ZMYM2: variants seen among roughly 807,000 people sequenced by gnomAD.
The protein encoded by ZMYM2 is zinc finger MYM-type containing 2.
ZMYM2 carries 56 observed loss-of-function variants against 162.8 expected under a neutral mutation model. The observed-to-expected ratio is 0.34, with a 90% CI of 0.28 to 0.43. ZMYM2 has a LOEUF of 0.43. Among genes scored for constraint, ZMYM2 ranks in the 20% least tolerant of loss-of-function variants. The pLI is 1.00. For missense variants in ZMYM2, 1,275 were observed against 1,621.8 expected, an observed-to-expected ratio of 0.79 and a Z score of 3.67; for synonymous variants, 510 against 541.6, an observed-to-expected ratio of 0.94 and a Z score of 0.81.
chr13:20,034,437 T>A, intron 11 of ZMYM2, 33 bp downstream of exon 11: 1 of 1,433,018 alleles, frequency 7.0e-7, no homozygotes, highest in Non-Finnish European at 9.2e-7. Context: ...TTCATAACAT[T>A]TATTGATATT....
chr13:19,985,941 C>T (rs1949097200), intron 2 of ZMYM2, among the ~76,000 whole-genome samples: 1 of 152,006 alleles, frequency 6.6e-6, no homozygotes, highest in Non-Finnish European at 1.5e-5. Flanking sequence ...ATCCCAGCTA[C>T]TCAGGAGGTT....
the ZMYM2 span, among the ~76,000 whole-genome samples, chr13:19,915,003 G>T: frequency 1.3e-5 from 2 of 152,134 alleles, no homozygotes; most frequent in African/African-American, 2.4e-5. Flanking sequence ...AAATGGGAAT[G>T]GCACCACTCA....
chr13:19,966,605 C>G (rs776907293), intron 2 of ZMYM2, among the ~76,000 whole-genome samples: 1 of 151,842 alleles, frequency 6.6e-6, no homozygotes, highest in South Asian at 2.1e-4. Flanking sequence ...CCACGCCGGG[C>G]TGATTTTGTA....
At chr13:19,899,808 C>A in the ZMYM2 span, among the ~76,000 whole-genome samples, 1 of 79,928 alleles carries the variant, frequency 1.3e-5, no homozygotes, top group African/African-American at 4.9e-5. Flanking sequence ...CAGACCAGGA[C>A]TCTGACTCAA....
At chr13:19,991,624 C>T (rs200020041) in intron 2 of ZMYM2, among the ~76,000 whole-genome samples, 13 of 131,360 alleles carry the variant, frequency 9.9e-5, no homozygotes, top group East Asian at 4.4e-4. Flanking sequence ...TTTTCTTTTT[C>T]TTTTTTTTTT....
At chr13:19,907,451 A>C in the ZMYM2 span, among the ~76,000 whole-genome samples, 19 of 152,050 alleles carry the variant, frequency 1.2e-4, no homozygotes, top group African/African-American at 4.6e-4. Flanking sequence ...TTCCACTCAA[A>C]TTTACTGTGA....
chr13:19,918,248 C>T, the ZMYM2 span, among the ~76,000 whole-genome samples: 1 of 151,934 alleles, frequency 6.6e-6, no homozygotes, highest in African/African-American at 2.4e-5. Context: ...AGTTCGAGAC[C>T]AGCCGGGCCA....
chr13:20,053,261 C>T (rs1348117242), intron 14 of ZMYM2, among the ~76,000 whole-genome samples: 1 of 152,174 alleles, frequency 6.6e-6, no homozygotes, highest in Non-Finnish European at 1.5e-5. Flanking sequence ...TGTTGTGTTA[C>T]AAAAGAACAG....
At chr13:20,001,947 G>T (rs188642547) in intron 3 of ZMYM2, among the ~76,000 whole-genome samples, 1 of 152,202 alleles carries the variant, frequency 6.6e-6, no homozygotes, top group East Asian at 1.9e-4. Flanking sequence ...CATTTTTTGT[G>T]AAACCAAAAA....
chr13:20,045,891 T>C (rs1041163178), intron 12 of ZMYM2, among the ~76,000 whole-genome samples: 10 of 152,192 alleles, frequency 6.6e-5, no homozygotes, highest in African/African-American at 1.7e-4. Context: ...CAGCAGATAC[T>C]GAATGTATTT....
At chr13:19,952,686 C>T in the ZMYM2 span, among the ~76,000 whole-genome samples, 1 of 151,992 alleles carries the variant, frequency 6.6e-6, no homozygotes, top group Non-Finnish European at 1.5e-5. Context: ...GGAATATTTA[C>T]AATAAACTGG....
intron 6 of ZMYM2, among the ~76,000 whole-genome samples, chr13:20,012,445 G>A (rs1951281674): frequency 6.6e-6 from 1 of 152,136 alleles, no homozygotes; most frequent in Non-Finnish European, 1.5e-5. Context: ...CTCTCAAAGT[G>A]CTGGGATTAC....
Position 20,030,610 on chromosome 13 carries a change from G to A in ZMYM2, c.1852-709G>A, listed in dbSNP as rs536258520. Among the ~76,000 whole-genome samples, 32 of 152,250 alleles carry A rather than the reference G, an allele frequency of 2.1e-4. No homozygotes were observed. In the South Asian group the frequency reaches 4.3e-3, roughly 21 times the overall value. On this transcript the variant is annotated intron_variant, in intron 9 of 24. Transcript: ENST00000610343. ...AGACGGGGTTTTACCGTGTTAGCCA[G>A]GATGGTCTCGATCTCCTGACTTCGT...
chr13:20,063,642 G>A lies in ZMYM2; in HGVS notation c.3037+671G>A, dbSNP rs1956400636. ...CTGAAAATACAAAAATTAGCTGGGC[G>A]TGGTGGTGAGTGCCTGTAATCCCAG... On this transcript the variant is annotated intron_variant, in intron 18 of 24. Transcript: ENST00000610343. Among the ~76,000 whole-genome samples, 5 of 150,156 alleles carry A rather than the reference G, an allele frequency of 3.3e-5. No individual in the cohort carries two copies. The South Asian group carries it at 1.0e-3, about 31-fold the overall frequency.
At chr13:19,899,433 A>G in the ZMYM2 span, among the ~76,000 whole-genome samples, 1 of 152,142 alleles carries the variant, frequency 6.6e-6, no homozygotes, top group East Asian at 1.9e-4. Flanking sequence ...ACATTAAGGA[A>G]CTAGAAAAAG....
At chr13:19,971,641 A>G (rs528634875) in intron 2 of ZMYM2, among the ~76,000 whole-genome samples, 4 of 152,220 alleles carry the variant, frequency 2.6e-5, no homozygotes, top group African/African-American at 9.6e-5. Context: ...CAGCAGAAAA[A>G]TGGTGGACTT....
At chr13:20,000,780 G>A (rs1282999126) in intron 3 of ZMYM2, among the ~76,000 whole-genome samples, 3 of 152,214 alleles carry the variant, frequency 2.0e-5, no homozygotes, top group Non-Finnish European at 4.4e-5. Context: ...TCTGTAGCCT[G>A]TGGATCAAGG....
the ZMYM2 span, among the ~76,000 whole-genome samples, chr13:19,922,475 C>T: frequency 6.6e-6 from 1 of 152,180 alleles, no homozygotes; most frequent in Non-Finnish European, 1.5e-5. Context: ...CTCATTTTAA[C>T]GTCTCTCTGG....
chr13:19,984,592 T>C (rs1948988494), intron 2 of ZMYM2, among the ~76,000 whole-genome samples: 1 of 152,208 alleles, frequency 6.6e-6, no homozygotes, highest in African/African-American at 2.4e-5. Flanking sequence ...TGACTGGAGG[T>C]AGAAGAGTGG....
Sources: allele counts gnomAD v4.1 joint callset (sites outside exome capture counted in the v4.1 genomes callset), GRCh38; gene constraint gnomAD v4.1.1; transcripts MANE v1.5; gene names NCBI Gene and HGNC (gene_info 2026-07-23, HGNC 2026-07-21).